The following ZNF704 variants were observed in gnomAD, a reference collection of about 807,000 sequenced individuals.
ZNF704 encodes the protein zinc finger protein 704, also known as glucocorticoid induced gene 1.
ZNF704 carries 10 observed loss-of-function variants against 44.7 expected under a neutral mutation model. That is an observed-to-expected ratio of 0.22 (90% CI 0.14 to 0.38). ZNF704 has a LOEUF of 0.38. ZNF704 is among the 10% of genes least tolerant of loss of function. ZNF704 has a pLI of 1.00. For missense variants in ZNF704, 390 were observed against 545.5 expected (o/e 0.71, Z 2.84); for synonymous variants, 211 against 207.6 (o/e 1.02, Z -0.14).
At chr8:80,801,153 A>G (rs968597957) in intron 2 of ZNF704, among the ~76,000 whole-genome samples, 19 of 152,200 alleles carry the variant, frequency 1.2e-4, no homozygotes, top group African/African-American at 4.3e-4. Context: ...ATACAGGAGA[A>G]CCCAGATTCA....
At chr8:80,689,304 TAA>T (rs1384283123) in intron 3 of ZNF704, among the ~76,000 whole-genome samples, 2 of 152,158 alleles carry the variant, frequency 1.3e-5, no homozygotes, top group African/African-American at 4.8e-5. Flanking sequence ...AGCAAAAAGT[TAA>T]GTTAGAGGAG....
Position 80,773,850 on chromosome 8 carries a change from AT to A in ZNF704, c.221+47523del, listed in dbSNP as rs1474694740. 5.9e-5 allele frequency among the ~76,000 whole-genome samples: 9 copies of A among 152,182 alleles called. No homozygotes were observed. The East Asian group carries it at 1.7e-3, about 29-fold the overall frequency. ...CATGTTCCTAATTGTTCATTGAAGC[AT>A]TTTTATCATGACTGCTTTAAAATCT... On this transcript the variant is annotated intron_variant, in intron 2 of 8. Coordinates refer to ENST00000327835, the MANE Select transcript of ZNF704 (RefSeq NM_001033723.3).
intron 5 of ZNF704, 70 bp from the exon 6 acceptor site, chr8:80,665,152 C>A: frequency 6.5e-7 from 1 of 1,528,770 alleles, no homozygotes; most frequent in Non-Finnish European, 9.0e-7. Context: ...CTTGCACATG[C>A]ATTTCCCCTC....
intron 5 of ZNF704, among the ~76,000 whole-genome samples, chr8:80,665,969 A>AT (rs1284962487): frequency 7.6e-6 from 1 of 131,428 alleles, no homozygotes; most frequent in South Asian, 2.2e-4. Context: ...TTATTTATTT[A>AT]TTTTTTTATT....
intron 4 of ZNF704, 107 bp downstream of exon 4, chr8:80,687,119 C>T (rs1818550800): frequency 1.1e-6 from 1 of 888,872 alleles, no homozygotes; most frequent in Non-Finnish European, 1.8e-6. Context: ...CTTCTTTCCA[C>T]AGAAAGGGGG....
At chr8:80,734,697 T>C (rs1806637299) in intron 2 of ZNF704, among the ~76,000 whole-genome samples, 1 of 152,252 alleles carries the variant, frequency 6.6e-6, no homozygotes. Context: ...TTATAAGTTT[T>C]AGCATGTATT....
chr8:80,836,306 C>G (rs1808582087), intron 1 of ZNF704, among the ~76,000 whole-genome samples: 1 of 152,172 alleles, frequency 6.6e-6, no homozygotes, highest in Admixed American at 6.5e-5. Flanking sequence ...TTTTTACTGG[C>G]TTCCTCATCT....
At chr8:80,826,559 C>T (rs907926931) in intron 1 of ZNF704, among the ~76,000 whole-genome samples, 8 of 152,160 alleles carry the variant, frequency 5.3e-5, no homozygotes, top group Non-Finnish European at 1.0e-4. Flanking sequence ...AGGGAATCCT[C>T]CCTAACTCAT....
At chr8:80,706,200 C>G (rs1306186832) in intron 2 of ZNF704, among the ~76,000 whole-genome samples, 2 of 152,162 alleles carry the variant, frequency 1.3e-5, no homozygotes, top group Non-Finnish European at 2.9e-5. Context: ...TTGCTTGGAG[C>G]CTCAAATCCA....
chr8:80,858,935 C>T (rs1809012550), intron 1 of ZNF704, among the ~76,000 whole-genome samples: 1 of 152,032 alleles, frequency 6.6e-6, no homozygotes, highest in African/African-American at 2.4e-5. Context: ...TTTAAAATTG[C>T]CCAGTATAGC....
At chr8:80,829,818 G>A (rs982150623) in intron 1 of ZNF704, among the ~76,000 whole-genome samples, 4 of 151,854 alleles carry the variant, frequency 2.6e-5, no homozygotes, top group African/African-American at 4.8e-5. Flanking sequence ...GCAATGTAAC[G>A]GATTTTAAAG....
In ZNF704 at chr8:80,634,461, T is replaced by C. The variant is rs1817636026; in HGVS notation, c.*6905A>G. On this transcript the variant is annotated 3_prime_UTR_variant, in exon 9 of 9. Coordinates refer to ENST00000327835, the MANE Select transcript of ZNF704 (RefSeq NM_001033723.3). The stretch of plus-strand genomic sequence containing the variant: ...ACAACTGTGGAATGTGAAATCCACT[T>C]TTCCCAATAGTTGAAACTGGGGGCT... 6.6e-6 allele frequency: 1 copy of C among 152,310 alleles called. No homozygotes were observed. The highest frequency in any genetic ancestry group is 1.5e-5 in the Non-Finnish European group (1 of 68,086). The allele number at this position is 152,310 out of a possible 1,614,324, so 9.4% of individuals were successfully genotyped here. A position where few individuals can be genotyped will look rare whatever the true frequency, so the allele number is the denominator to read the frequency against.
At chr8:80,881,265 A>G in the ZNF704 span, among the ~76,000 whole-genome samples, 2 of 152,342 alleles carry the variant, frequency 1.3e-5, no homozygotes, top group East Asian at 3.9e-4. Context: ...AACCGCATAA[A>G]TATTCATCAA....
intron 1 of ZNF704, among the ~76,000 whole-genome samples, chr8:80,850,622 A>G (rs1474046655): frequency 6.6e-6 from 1 of 152,102 alleles, no homozygotes; most frequent in African/African-American, 2.4e-5. Context: ...AATGCCATTC[A>G]TCTCATTCTC....
chr8:80,869,357 T>C (rs1369202589), intron 1 of ZNF704, among the ~76,000 whole-genome samples: 1 of 152,232 alleles, frequency 6.6e-6, no homozygotes, highest in African/African-American at 2.4e-5. Flanking sequence ...GTACATTTGC[T>C]CTCAATGCCT....
chr8:80,761,678 C>T (rs894974320), intron 2 of ZNF704, among the ~76,000 whole-genome samples: 2 of 152,136 alleles, frequency 1.3e-5, no homozygotes, highest in African/African-American at 2.4e-5. Context: ...CCACTTTACA[C>T]AATAAAATAG....
chr8:80,690,996 G>A (rs1375638709), intron 3 of ZNF704, among the ~76,000 whole-genome samples: 15 of 151,018 alleles, frequency 9.9e-5, no homozygotes, highest in Non-Finnish European at 1.6e-4. Flanking sequence ...GTGACAGAGC[G>A]AGACTCCATC....
chr8:80,819,155 G>T (rs1808223239), intron 2 of ZNF704, among the ~76,000 whole-genome samples: 1 of 151,978 alleles, frequency 6.6e-6, no homozygotes, highest in Non-Finnish European at 1.5e-5. Flanking sequence ...TGTCATTGGG[G>T]GATTTTTGCT....
intron 7 of ZNF704, among the ~76,000 whole-genome samples, chr8:80,646,454 C>T (rs573916482): frequency 1.5e-5 from 2 of 137,330 alleles, no homozygotes; most frequent in East Asian, 2.1e-4. Context: ...CTAGCCTGGG[C>T]AACAGAGTGA....
Sources: gnomAD v4.1 joint callset for allele counts (sites outside exome capture counted in the v4.1 genomes callset) on GRCh38, gnomAD v4.1.1 for gene constraint, MANE v1.5 for transcripts, NCBI Gene and HGNC (gene_info 2026-07-23, HGNC 2026-07-21) for gene names.